Variants in ABR observed in about 807,000 individuals in gnomAD.
The protein encoded by ABR is active breakpoint cluster region-related protein.
A neutral mutation model predicts 107.2 loss-of-function variants in ABR; 35 were observed. That is an observed-to-expected ratio of 0.33 (90% CI 0.25 to 0.43). ABR has a LOEUF of 0.43. Among genes scored for constraint, ABR ranks in the 20% least tolerant of loss-of-function variants. The pLI, the probability that ABR is intolerant of heterozygous loss-of-function variation, is 1.00. For missense variants in ABR, 815 were observed against 1,115.2 expected, an observed-to-expected ratio of 0.73 and a Z score of 3.83; for synonymous variants, 498 against 462.0, an observed-to-expected ratio of 1.08 and a Z score of -1.00.
intron 1 of ABR, among the ~76,000 whole-genome samples, chr17:1,186,245 T>C (rs1452325047): frequency 1.3e-5 from 2 of 152,148 alleles, no homozygotes; most frequent in Non-Finnish European, 2.9e-5. Context: ...AGCCTATGAG[T>C]CTGTCTTTTG....
chr17:1,160,454 CA>C (rs1322582087), intron 1 of ABR, among the ~76,000 whole-genome samples: 1 of 152,224 alleles, frequency 6.6e-6, no homozygotes, highest in Non-Finnish European at 1.5e-5. Flanking sequence ...GTAACAGCTT[CA>C]TGCAACCAGC....
chr17:1,194,984 C>G (rs115208772), intron 1 of ABR, among the ~76,000 whole-genome samples: 3,717 of 148,232 alleles, frequency 0.025, 130 homozygotes, highest in African/African-American at 0.08. Context: ...ACAGACAGAA[C>G]CTCACTATGT....
chr17:1,056,997 C>T lies in ABR; in HGVS notation c.1486+1G>A. On this transcript the variant is annotated splice_donor_variant, in intron 13 of 22. Transcript: ENST00000302538. LOFTEE classifies it high-confidence loss of function. Reference sequence around the variant, plus strand: ...GGGCCACCTCTGGTTCCCGAGCTTACCGTCTTTATTGCTGGTGACAGGAAT... The same window carrying T: ...GGGCCACCTCTGGTTCCCGAGCTTATCGTCTTTATTGCTGGTGACAGGAAT... The T allele has an allele frequency of 6.2e-7, 1 of 1,604,012 alleles. No homozygotes were observed. The highest frequency in any genetic ancestry group is 8.5e-7 in the Non-Finnish European group (1 of 1,171,844).
chr17:1,007,799 GGACCTACC>G (rs1350914398), intron 21 of ABR, among the ~76,000 whole-genome samples: 1 of 152,242 alleles, frequency 6.6e-6, no homozygotes, highest in Non-Finnish European at 1.5e-5. Flanking sequence ...GCTGCCTCCA[GGACCTACC>G]GCTCTGTTGC....
intron 1 of ABR, among the ~76,000 whole-genome samples, chr17:1,223,231 G>A (rs941647858): frequency 2.6e-5 from 4 of 151,652 alleles, no homozygotes; most frequent in South Asian, 4.2e-4. Context: ...AAAATTAGCC[G>A]GGCTTGGTGG....
At position 1,070,142 on chromosome 17, in the gene ABR, G is replaced by T; in HGVS notation, c.895-52C>A. On this transcript the variant is annotated intron_variant, in intron 8 of 22. Coordinates refer to ENST00000302538, the MANE Select transcript of ABR (RefSeq NM_021962.5). This position sits in a 1 kb window ranked among gnomAD's most constrained non-coding sequence, Gnocchi z 4.2. The stretch of plus-strand genomic sequence containing the variant: ...CTGCTCAGAGGGGAATGCGGCCGAG[G>T]GCAGAGCCTGCACACGGGGGCACGG... The T allele has an allele frequency of 5.0e-6, 8 of 1,607,580 alleles. No homozygotes were observed. Among genetic ancestry groups the T allele is most frequent in the South Asian group, 1.1e-5 (1 of 90,220 alleles).
chr17:1,098,245 T>C (rs2037614989), intron 3 of ABR, among the ~76,000 whole-genome samples: 1 of 151,914 alleles, frequency 6.6e-6, no homozygotes, highest in African/African-American at 2.4e-5. Context: ...GCTAATTTTT[T>C]TTGTACTTTT....
chr17:1,077,689 C>T (rs1035503276), intron 6 of ABR, among the ~76,000 whole-genome samples: 2 of 152,198 alleles, frequency 1.3e-5, no homozygotes, highest in African/African-American at 4.8e-5. Context: ...AAGCCACCAT[C>T]CCCCTCAAGT....
chr17:1,179,879 G>A lies in ABR; in HGVS notation c.-152C>T. 2.7e-6 allele frequency: 2 copies of A among 733,334 alleles called. No individual in the cohort carries two copies. Among genetic ancestry groups the A allele is most frequent in the South Asian group, 2.8e-5 (1 of 35,516 alleles). The allele number at this position is 733,334 out of a possible 1,614,324, so 45.4% of individuals were successfully genotyped here. ...TCCCCGGGAGGAGCGCGGGGCGGCC[G>A]GGGCAGGGGCGAGGGCGGGGCGGGA... On this transcript the variant is annotated 5_prime_UTR_variant, in exon 1 of 23. Coordinates refer to ENST00000302538, the MANE Select transcript of ABR (RefSeq NM_021962.5). This position sits in a 1 kb window ranked among gnomAD's most constrained non-coding sequence, Gnocchi z 4.9.
intron 6 of ABR, among the ~76,000 whole-genome samples, chr17:1,074,804 G>A (rs2035565808): frequency 6.6e-6 from 1 of 152,228 alleles, no homozygotes; most frequent in Admixed American, 6.5e-5. Flanking sequence ...AAATTAGCCA[G>A]GCGTGGTGGC....
chr17:1,128,239 C>T (rs1364773661), intron 1 of ABR, among the ~76,000 whole-genome samples: 2 of 152,344 alleles, frequency 1.3e-5, no homozygotes, highest in East Asian at 3.9e-4. Flanking sequence ...GGAAACCAAT[C>T]CTCGGAGAAG....
At chr17:1,175,591 GC>G (rs1232465821) in intron 1 of ABR, among the ~76,000 whole-genome samples, 1 of 152,166 alleles carries the variant, frequency 6.6e-6, no homozygotes, top group Non-Finnish European at 1.5e-5. Flanking sequence ...GCTCCCATCA[GC>G]CCCAGGGCCC....
In ABR at chr17:1,070,107, AC is replaced by A. The variant is rs767732130; in HGVS notation, c.895-18del. The A allele has an allele frequency of 1.9e-6, 3 of 1,611,608 alleles. No homozygotes were observed. Among genetic ancestry groups the A allele is most frequent in the Non-Finnish European group, 2.5e-6 (3 of 1,179,190 alleles). On this transcript the variant is annotated intron_variant, in intron 8 of 22. Transcript: ENST00000302538. The surrounding 1 kb of genome is among the most constrained non-coding windows in gnomAD (Gnocchi z 4.2). ...CTGTCGCGTCTGAGGGAGATGGCAG[AC>A]CCCCCAGCCTGCTCAGAGGGGAATG... is the stretch of plus-strand genomic sequence containing the variant.
chr17:1,015,284 G>A (rs1478587529), intron 16 of ABR, among the ~76,000 whole-genome samples: 1 of 151,696 alleles, frequency 6.6e-6, no homozygotes, highest in Non-Finnish European at 1.5e-5. Flanking sequence ...GGGTGTGGTG[G>A]CGGGCACTGT....
intron 1 of ABR, among the ~76,000 whole-genome samples, chr17:1,138,232 C>A (rs928309327): frequency 2.0e-5 from 3 of 151,956 alleles, no homozygotes; most frequent in Non-Finnish European, 4.4e-5. Flanking sequence ...AGCCTAAATA[C>A]AAAGCTCAAG....
At chr17:1,031,057 C>T (rs987819756) in intron 16 of ABR, among the ~76,000 whole-genome samples, 9 of 152,312 alleles carry the variant, frequency 5.9e-5, no homozygotes, top group South Asian at 2.1e-4. Flanking sequence ...ATGGACGGAA[C>T]GCCTGGTGCC....
intron 16 of ABR, among the ~76,000 whole-genome samples, chr17:1,049,716 C>G (rs112586572): frequency 0.021 from 3,127 of 152,350 alleles, 114 homozygotes; most frequent in African/African-American, 0.071. Flanking sequence ...TCCTCCCTCC[C>G]GTTCACCGAC....
upstream of ABR, among the ~76,000 whole-genome samples, chr17:1,188,241 T>C (rs1218855636): frequency 1.3e-5 from 2 of 151,140 alleles, no homozygotes; most frequent in African/African-American, 4.9e-5. Context: ...AATAACAATG[T>C]GTGGGAGCAT....
At chr17:1,021,568 G>C (rs1379769070) in intron 16 of ABR, among the ~76,000 whole-genome samples, 2 of 152,210 alleles carry the variant, frequency 1.3e-5, no homozygotes, top group East Asian at 3.9e-4. Flanking sequence ...CACTTTGGGA[G>C]GCCGAGGCGG....
Sources: gnomAD v4.1 joint callset for allele counts (sites outside exome capture counted in the v4.1 genomes callset) on GRCh38, gnomAD v4.1.1 for gene constraint, Gnocchi (gnomAD v3.1) non-coding constraint, MANE v1.5 for transcripts, NCBI Gene and HGNC (gene_info 2026-07-23, HGNC 2026-07-21) for gene names.